The following IFT81 variants were observed in gnomAD, a reference collection of about 807,000 sequenced individuals.
The protein encoded by IFT81 is intraflagellar transport protein 81 homolog.
Under a neutral mutation model 102.6 loss-of-function variants are expected in IFT81, and 72 were observed. That is an observed-to-expected ratio of 0.70 (90% CI 0.58 to 0.85). IFT81 has a LOEUF of 0.85. IFT81 is among the 40% of genes least tolerant of loss of function. IFT81 has a pLI of 0.00. For missense variants in IFT81, 723 were observed against 787.3 expected (o/e 0.92, Z 0.98); for synonymous variants, 237 against 242.7 (o/e 0.98, Z 0.22).
intron 8 of IFT81, among the ~76,000 whole-genome samples, chr12:110,142,787 C>T (rs1894975783): frequency 6.6e-6 from 1 of 151,978 alleles, no homozygotes; most frequent in Admixed American, 6.6e-5. Context: ...CAGCTACTTC[C>T]AGCTACTCAG....
chr12:110,197,458 A>C (rs1898059683), intron 14 of IFT81, among the ~76,000 whole-genome samples: 1 of 140,878 alleles, frequency 7.1e-6, no homozygotes, highest in South Asian at 2.3e-4. Context: ...TTTTTTTTTA[A>C]CCATCCATTG....
chr12:110,212,489 G>A (rs1869582760), intron 18 of IFT81, among the ~76,000 whole-genome samples: 1 of 151,264 alleles, frequency 6.6e-6, no homozygotes, highest in Admixed American at 6.6e-5. Context: ...AGTGAGCCAA[G>A]GTCACGCCAC....
intron 7 of IFT81, 139 bp downstream of exon 7, chr12:110,135,576 TAA>T (rs1476302531): frequency 3.5e-6 from 2 of 569,196 alleles, no homozygotes; most frequent in East Asian, 3.3e-5. Flanking sequence ...TTAATTAAGA[TAA>T]ATATTTCAGG....
At chr12:110,139,529 T>C (rs953322412) in intron 8 of IFT81, among the ~76,000 whole-genome samples, 1 of 151,284 alleles carries the variant, frequency 6.6e-6, no homozygotes, top group African/African-American at 2.4e-5. Context: ...AAAAAATTAT[T>C]TGGGAGGCCA....
intron 12 of IFT81, among the ~76,000 whole-genome samples, chr12:110,183,636 T>C (rs1025337625): frequency 5.9e-5 from 9 of 152,240 alleles, no homozygotes; most frequent in African/African-American, 2.2e-4. Flanking sequence ...GTGGACATTT[T>C]CCGGTTTCCA....
At chr12:110,183,344 A>G (rs1166968270) in intron 12 of IFT81, among the ~76,000 whole-genome samples, 1 of 152,152 alleles carries the variant, frequency 6.6e-6, no homozygotes. Context: ...AAATTGCCAC[A>G]AAATAGGGGG....
chr12:110,187,742 T>C (rs573553774), intron 12 of IFT81, among the ~76,000 whole-genome samples: 1 of 152,274 alleles, frequency 6.6e-6, no homozygotes, highest in South Asian at 2.1e-4. Context: ...AAGTTGAGGG[T>C]AGCTTTTTTG....
intron 10 of IFT81, among the ~76,000 whole-genome samples, chr12:110,155,330 G>T (rs1199835187): frequency 6.6e-6 from 1 of 151,938 alleles, no homozygotes; most frequent in African/African-American, 2.4e-5. Context: ...TTTTTTTTGA[G>T]ATGGAGTTTC....
intron 1 of IFT81, among the ~76,000 whole-genome samples, chr12:110,126,856 G>A (rs1215543323): frequency 1.3e-5 from 2 of 152,192 alleles, no homozygotes; most frequent in African/African-American, 4.8e-5. Context: ...CTACTCAGAT[G>A]CAGTTGGTTG....
At chr12:110,135,038 A>G in intron 6 of IFT81, 25 bp downstream of exon 6, 3 of 1,552,324 alleles carry the variant, frequency 1.9e-6, no homozygotes, top group Non-Finnish European at 1.8e-6. Flanking sequence ...GTACTGTAAG[A>G]CTTTGGCCCC....
At chr12:110,172,915 C>A (rs1272989826) in intron 11 of IFT81, among the ~76,000 whole-genome samples, 1 of 151,304 alleles carries the variant, frequency 6.6e-6, no homozygotes, top group African/African-American at 2.4e-5. Context: ...CGTCTCCGCC[C>A]GGCAGCCGCC....
chr12:110,194,429 ATT>A (rs202167301), intron 14 of IFT81, among the ~76,000 whole-genome samples: 1 of 149,670 alleles, frequency 6.7e-6, no homozygotes, highest in African/African-American at 2.5e-5. Flanking sequence ...TGAAATATTC[ATT>A]TTTTTTTTAT....
chr12:110,204,309 C>T (rs2137585002), intron 15 of IFT81: 1 of 174,140 alleles, frequency 5.7e-6, no homozygotes, highest in Non-Finnish European at 1.2e-5. Context: ...TTATCTGCTG[C>T]CTGGCCTCCC....
intron 14 of IFT81, among the ~76,000 whole-genome samples, chr12:110,197,896 G>A (rs963718573): frequency 6.6e-5 from 10 of 152,000 alleles, no homozygotes; most frequent in Non-Finnish European, 1.3e-4. Flanking sequence ...ATTTTTAGTA[G>A]AGATGGGGTT....
At chr12:110,211,175 C>CT (rs796140785) in intron 18 of IFT81, among the ~76,000 whole-genome samples, 7,440 of 102,128 alleles carry the variant, frequency 0.073, 379 homozygotes, top group African/African-American at 0.095. Context: ...ATTAGGCTTT[C>CT]TTTTTTTTTT....
chr12:110,132,278 G>A (rs555316865), intron 4 of IFT81, among the ~76,000 whole-genome samples: 42 of 152,098 alleles, frequency 2.8e-4, no homozygotes, highest in African/African-American at 9.6e-4. Flanking sequence ...GCCTGAACAT[G>A]GTGAAACCCC....
intron 15 of IFT81, chr12:110,205,222 A>G: frequency 2.8e-6 from 1 of 353,914 alleles, no homozygotes; most frequent in Admixed American, 4.9e-5. Flanking sequence ...TGACAGAGTG[A>G]GACTCTGTCT....
At chr12:110,211,030 A>ATT (rs961144640) in intron 18 of IFT81, among the ~76,000 whole-genome samples, 1 of 129,324 alleles carries the variant, frequency 7.7e-6, no homozygotes, top group Admixed American at 7.6e-5. Flanking sequence ...TAATTTTTGT[A>ATT]TTTTTTTTTT....
At chr12:110,171,557 T>C (rs1160100126) in intron 11 of IFT81, among the ~76,000 whole-genome samples, 9 of 152,222 alleles carry the variant, frequency 5.9e-5, no homozygotes, top group African/African-American at 1.9e-4. Flanking sequence ...CTTGGTGAGA[T>C]TTTCTAATTT....
Sources: allele counts gnomAD v4.1 joint callset (sites outside exome capture counted in the v4.1 genomes callset), GRCh38; gene constraint gnomAD v4.1.1; transcripts MANE v1.5; gene names NCBI Gene and HGNC (gene_info 2026-07-23, HGNC 2026-07-21).